Variants in DACH1 observed in about 807,000 individuals in gnomAD.
DACH1 encodes the protein dachshund family transcription factor 1.
In DACH1, 12 loss-of-function variants were observed where a neutral mutation model predicts 54.2. The observed-to-expected ratio is 0.22, with a 90% CI of 0.14 to 0.36. The LOEUF (loss-of-function observed/expected upper bound fraction) is 0.36. Among genes scored for constraint, DACH1 ranks in the 10% least tolerant of loss-of-function variants. The probability of loss-of-function intolerance (pLI) is 1.00; values close to 1 mark genes in which losing one functional copy is unlikely to be tolerated. For synonymous variants in DACH1, 386 were observed against 366.2 expected (o/e 1.05, Z -0.62); for missense variants, 805 against 929.8 (o/e 0.87, Z 1.75).
chr13:71,739,428 A>G (rs1201404249), intron 1 of DACH1, among the ~76,000 whole-genome samples: 1 of 152,164 alleles, frequency 6.6e-6, no homozygotes, highest in East Asian at 1.9e-4. Context: ...TTGAAATTAA[A>G]GAGATGAAAG....
intron 7 of DACH1, among the ~76,000 whole-genome samples, chr13:71,488,575 T>C (rs2138202414): frequency 6.6e-6 from 1 of 152,040 alleles, no homozygotes; most frequent in East Asian, 1.9e-4. Flanking sequence ...AGACATATTT[T>C]AAATGACTAA....
intron 2 of DACH1, among the ~76,000 whole-genome samples, chr13:71,668,651 G>T (rs981322888): frequency 2.6e-5 from 4 of 151,846 alleles, no homozygotes; most frequent in Admixed American, 1.3e-4. Context: ...TGGGCCCAAT[G>T]CATTGGCTCA....
chr13:71,718,681 G>A (rs1245853085), intron 1 of DACH1, among the ~76,000 whole-genome samples: 1 of 151,634 alleles, frequency 6.6e-6, no homozygotes, highest in Non-Finnish European at 1.5e-5. Context: ...TTGTAAAATT[G>A]ACACTGGCAT....
Position 71,622,260 on chromosome 13 carries a change from A to T in DACH1, c.1126+8296T>A, listed in dbSNP as rs530618715. ...TGAATGTGAAATACTAGGTCTGGTG[A>T]CAGGTGCATTGGGCTCAGAGTTATA... On this transcript the variant is annotated intron_variant, in intron 3 of 10. Transcript: ENST00000613252. Among the ~76,000 whole-genome samples, 60 of 152,124 alleles carry T rather than the reference A, an allele frequency of 3.9e-4. 1 individual carries two copies. In the South Asian group the frequency reaches 0.012, roughly 32 times the overall value.
intron 1 of DACH1, among the ~76,000 whole-genome samples, chr13:71,785,237 T>C (rs303957): frequency 0.059 from 9,050 of 152,168 alleles, 651 homozygotes; most frequent in African/African-American, 0.17. Flanking sequence ...TTCAATTTCT[T>C]TTTATTTCGC....
intron 1 of DACH1, among the ~76,000 whole-genome samples, chr13:71,865,716 G>A (rs2138306722): frequency 1.3e-5 from 2 of 152,252 alleles, no homozygotes; most frequent in South Asian, 4.1e-4. Flanking sequence ...GGGCCGAAGA[G>A]CGAGGTCTGG....
At chr13:71,527,323 A>G (rs1194055439) in intron 6 of DACH1, among the ~76,000 whole-genome samples, 1 of 152,158 alleles carries the variant, frequency 6.6e-6, no homozygotes, top group African/African-American at 2.4e-5. Flanking sequence ...CATTACTCAT[A>G]TAACTTTTAA....
chr13:71,567,454 A>G (rs941617411), intron 4 of DACH1, among the ~76,000 whole-genome samples: 2 of 152,020 alleles, frequency 1.3e-5, no homozygotes, highest in Non-Finnish European at 2.9e-5. Flanking sequence ...AAAAAAATAG[A>G]AAGTCAGAGA....
Position 71,739,185 on chromosome 13 carries a change from G to A in DACH1, c.849-57275C>T, listed in dbSNP as rs145340007. Among the ~76,000 whole-genome samples, 617 of 152,216 alleles carry A rather than the reference G, an allele frequency of 4.1e-3. 2 individuals are homozygous for A. The highest frequency in any genetic ancestry group is 0.014 in the African/African-American group (582 of 41,526). ...GAGAATCTCTTGGACCTAGGAGGTG[G>A]AGGTTGTGGTGAGCCGAGATCGCGC... On this transcript the variant is annotated intron_variant, in intron 1 of 10. Transcript: ENST00000613252.
At chr13:71,776,886 C>G (rs964810025) in intron 1 of DACH1, among the ~76,000 whole-genome samples, 1 of 152,066 alleles carries the variant, frequency 6.6e-6, no homozygotes, top group Non-Finnish European at 1.5e-5. Flanking sequence ...CTGACTTGAT[C>G]TCTACAACTT....
intron 2 of DACH1, among the ~76,000 whole-genome samples, chr13:71,650,765 A>C (rs1878609889): frequency 6.6e-6 from 1 of 152,198 alleles, no homozygotes; most frequent in South Asian, 2.1e-4. Flanking sequence ...CTTTCAACAC[A>C]TACATTTATT....
At chr13:71,679,385 G>T (rs1364836203) in intron 2 of DACH1, among the ~76,000 whole-genome samples, 1 of 151,890 alleles carries the variant, frequency 6.6e-6, no homozygotes, top group Non-Finnish European at 1.5e-5. Flanking sequence ...CATTTTCATG[G>T]TATCATCTTA....
intron 6 of DACH1, among the ~76,000 whole-genome samples, chr13:71,502,974 T>C (rs1880043275): frequency 6.6e-6 from 1 of 152,230 alleles, no homozygotes; most frequent in South Asian, 2.1e-4. Flanking sequence ...TATGTAAGTC[T>C]GATAATTTAC....
rs1389696635 is a variant in DACH1 at position 71,735,464 on chromosome 13, G to A, written c.849-53554C>T. Among the ~76,000 whole-genome samples the A allele has an allele frequency of 4.6e-5, 4 of 87,372 alleles. 1 individual carries two copies. The highest frequency in any genetic ancestry group is 1.5e-4 in the African/African-American group (4 of 26,590). The allele number at this position is 87,372 out of a possible 152,430, so 57.3% of individuals were successfully genotyped here. ...ATATACGTGTATATGGGATATACACGTATACGGGATATACGTGTATATGGG... is the reference window on the plus strand; with the variant it reads ...ATATACGTGTATATGGGATATACACATATACGGGATATACGTGTATATGGG... On this transcript the variant is annotated intron_variant, in intron 1 of 10. Transcript: ENST00000613252.
chr13:71,570,093 T>C (rs1342879785), intron 4 of DACH1, among the ~76,000 whole-genome samples: 3 of 152,046 alleles, frequency 2.0e-5, no homozygotes, highest in Non-Finnish European at 2.9e-5. Flanking sequence ...ATTAGGTGAG[T>C]TTATAAACTC....
chr13:71,596,774 T>G (rs1874125757), intron 3 of DACH1, among the ~76,000 whole-genome samples: 1 of 152,116 alleles, frequency 6.6e-6, no homozygotes, highest in African/African-American at 2.4e-5. Flanking sequence ...TGTAGGTTAA[T>G]GAGGGGAAAA....
chr13:71,826,970 T>A (rs929301597), intron 1 of DACH1, among the ~76,000 whole-genome samples: 1 of 152,102 alleles, frequency 6.6e-6, no homozygotes, highest in African/African-American at 2.4e-5. Context: ...AGGATTTTCC[T>A]AAGACATTCA....
chr13:71,828,032 G>A (rs990363004), intron 1 of DACH1, among the ~76,000 whole-genome samples: 4 of 151,918 alleles, frequency 2.6e-5, no homozygotes, highest in African/African-American at 7.2e-5. Context: ...TAAAGAAGAG[G>A]TCCTGCACCA....
intron 3 of DACH1, among the ~76,000 whole-genome samples, chr13:71,576,921 T>C (rs1207217278): frequency 6.6e-6 from 1 of 152,146 alleles, no homozygotes; most frequent in Non-Finnish European, 1.5e-5. Context: ...GGTTCCTGCT[T>C]AAATTTCCCC....
Sources: allele counts gnomAD v4.1 joint callset (sites outside exome capture counted in the v4.1 genomes callset), GRCh38; gene constraint gnomAD v4.1.1; transcripts MANE v1.5; gene names NCBI Gene and HGNC (gene_info 2026-07-23, HGNC 2026-07-21).